The following PLA2G4E variants were observed in gnomAD, a reference collection of about 807,000 sequenced individuals.
PLA2G4E encodes the protein phospholipase A2 group IVE, also known as cytosolic phospholipase A2 epsilon.
In PLA2G4E, 84 loss-of-function variants were observed where a neutral mutation model predicts 109.1. The observed-to-expected ratio is 0.77, with a 90% CI of 0.65 to 0.92. The LOEUF is 0.92. Ranked by LOEUF, PLA2G4E falls within the 40% of genes least tolerant of loss-of-function variation. The pLI is 0.00. For synonymous variants in PLA2G4E, 469 were observed against 436.1 expected (o/e 1.08, Z -0.94); for missense variants, 1,057 against 1,076.6 (o/e 0.98, Z 0.25).
chr15:42,015,354 T>G (rs2068578862), intron 1 of PLA2G4E, among the ~76,000 whole-genome samples: 1 of 152,198 alleles, frequency 6.6e-6, no homozygotes, highest in African/African-American at 2.4e-5. Flanking sequence ...GCTCTCCCAG[T>G]GCCCCTCTGC....
intron 1 of PLA2G4E, among the ~76,000 whole-genome samples, chr15:42,031,906 A>G (rs947883313): frequency 6.6e-6 from 1 of 152,182 alleles, no homozygotes; most frequent in Non-Finnish European, 1.5e-5. Context: ...TCATGTTGAA[A>G]TGTGATCCCC....
At chr15:41,988,197 C>G in intron 15 of PLA2G4E, 41 bp from the exon 16 acceptor site, 3 of 1,442,368 alleles carry the variant, frequency 2.1e-6, no homozygotes, top group Non-Finnish European at 2.9e-6. Flanking sequence ...ACCCTGCAGC[C>G]CCAGGCCCCA....
chr15:42,044,711 C>G (rs1192741867), intron 1 of PLA2G4E, among the ~76,000 whole-genome samples: 2 of 151,240 alleles, frequency 1.3e-5, no homozygotes, highest in Non-Finnish European at 2.9e-5. Context: ...GTGCAGCACA[C>G]CAACGTGGCA....
intron 1 of PLA2G4E, among the ~76,000 whole-genome samples, chr15:42,032,293 G>C (rs1566849645): frequency 6.6e-6 from 1 of 152,210 alleles, no homozygotes; most frequent in Non-Finnish European, 1.5e-5. Flanking sequence ...TGTTTTGACT[G>C]AATTGAGTTC....
At chr15:42,045,098 G>A (rs549850119) in intron 1 of PLA2G4E, among the ~76,000 whole-genome samples, 226 of 152,320 alleles carry the variant, frequency 1.5e-3, no homozygotes, top group Middle Eastern at 6.8e-3. Flanking sequence ...CACAGGGCTG[G>A]TCTTGAAGGG....
rs1366033883 is a variant in PLA2G4E at position 42,035,303 on chromosome 15, C to T, written c.183+15218G>A. The stretch of plus-strand genomic sequence containing the variant: ...TACCCACCACTCACATACCTTACTG[C>T]CTTGGTGACATCCCCTGCATAGGGA... On this transcript the variant is annotated intron_variant, in intron 1 of 19. Coordinates refer to ENST00000399518, the Ensembl canonical transcript of PLA2G4E. Among the ~76,000 whole-genome samples the T allele has an allele frequency of 2.6e-5, 4 of 152,238 alleles. 1 individual carries two copies. Among genetic ancestry groups the T allele is most frequent in the Non-Finnish European group, 1.5e-5 (1 of 68,044 alleles).
intron 1 of PLA2G4E, among the ~76,000 whole-genome samples, chr15:42,030,468 A>G (rs1007499702): frequency 6.6e-6 from 1 of 152,196 alleles, no homozygotes; most frequent in African/African-American, 2.4e-5. Context: ...AGCAGGGCAC[A>G]CTTTGCATCA....
At chr15:42,000,224 G>C (rs1390102265) in exon 8 of PLA2G4E, 1 of 1,586,496 alleles carries the variant, frequency 6.3e-7, no homozygotes, top group East Asian at 2.3e-5. Context: ...GTTCCAAGCA[G>C]GGCCGGACAC....
In PLA2G4E at chr15:42,041,768, G is replaced by A. The variant is rs184669860; in HGVS notation, c.183+8753C>T. ...TTTGAGGGGAACTGGCTCTGTGTGT[G>A]TGTGTGGAGGGACAGAGCTGCATCA... On this transcript the variant is annotated intron_variant, in intron 1 of 19. Coordinates refer to ENST00000399518, the Ensembl canonical transcript of PLA2G4E. Among the ~76,000 whole-genome samples, 544 of 152,306 alleles carry A rather than the reference G, an allele frequency of 3.6e-3. 2 individuals carry two copies. The highest frequency in any genetic ancestry group is 0.017 in the Middle Eastern group (5 of 294).
chr15:42,020,015 C>A (rs950360277), intron 1 of PLA2G4E, among the ~76,000 whole-genome samples: 2 of 152,240 alleles, frequency 1.3e-5, no homozygotes, highest in Non-Finnish European at 2.9e-5. Flanking sequence ...GGTGGCCAGA[C>A]GCCCTTCCAG....
At chr15:42,017,583 A>G (rs920557302) in intron 1 of PLA2G4E, among the ~76,000 whole-genome samples, 3 of 152,200 alleles carry the variant, frequency 2.0e-5, no homozygotes, top group South Asian at 2.1e-4. Context: ...GAGACATCCA[A>G]TGCTACTTCC....
At chr15:41,999,827 T>C (rs753526667) in intron 9 of PLA2G4E, 90 bp downstream of exon 9, 4 of 1,384,812 alleles carry the variant, frequency 2.9e-6, no homozygotes, top group Non-Finnish European at 4.0e-6. Flanking sequence ...TCACATTCTC[T>C]CTTGTACCTC....
chr15:42,002,857 A>G (rs2068436334), intron 5 of PLA2G4E, among the ~76,000 whole-genome samples, 161 bp from the exon 6 acceptor site: 1 of 152,236 alleles, frequency 6.6e-6, no homozygotes, highest in South Asian at 2.1e-4. Context: ...ATAGGTTGTC[A>G]GGGAGGAAAC....
chr15:42,021,154 G>A, intron 1 of PLA2G4E, among the ~76,000 whole-genome samples, 112 bp from the exon 1 acceptor site: 1 of 151,920 alleles, frequency 6.6e-6, no homozygotes, highest in Non-Finnish European at 1.5e-5. Context: ...TGGGTAGACA[G>A]ATAGGGTGCA....
At chr15:41,995,300 C>A (rs2068319527) in intron 12 of PLA2G4E, 60 bp downstream of exon 12, 2 of 1,584,314 alleles carry the variant, frequency 1.3e-6, no homozygotes, top group Non-Finnish European at 1.7e-6. Context: ...CCTGAGACCC[C>A]AGGCCAGCCT....
chr15:41,994,984 T>G (rs2068314001), intron 12 of PLA2G4E, among the ~76,000 whole-genome samples: 1 of 152,240 alleles, frequency 6.6e-6, no homozygotes, highest in Non-Finnish European at 1.5e-5. Context: ...GGAGCTCAGC[T>G]GCAGGGCCCT....
rs201332148 is a variant in PLA2G4E, at chr15:42,047,840, AC to A, written c.183+2680del. ...TTGCAAAAATAAAACACCTATAAAAACTGACATTTCATCACAAAAATCCTAA... is the reference window on the plus strand; with the variant it reads ...TTGCAAAAATAAAACACCTATAAAAATGACATTTCATCACAAAAATCCTAA... On this transcript the variant is annotated intron_variant, in intron 1 of 19. Transcript: ENST00000399518. Among the ~76,000 whole-genome samples, 631 of 152,346 alleles carry A rather than the reference AC, an allele frequency of 4.1e-3. 2 individuals carry two copies. The highest frequency in any genetic ancestry group is 0.013 in the African/African-American group (557 of 41,574).
At chr15:41,993,682 C>T (rs748666654) in intron 12 of PLA2G4E, among the ~76,000 whole-genome samples, 1 of 152,124 alleles carries the variant, frequency 6.6e-6, no homozygotes, top group Non-Finnish European at 1.5e-5. Flanking sequence ...CCTTTTCATT[C>T]TGCGCCTGAG....
At chr15:42,039,737 A>G (rs1208519109) in intron 1 of PLA2G4E, among the ~76,000 whole-genome samples, 4 of 152,174 alleles carry the variant, frequency 2.6e-5, no homozygotes, top group African/African-American at 9.6e-5. Flanking sequence ...AAGGAGAAAT[A>G]AATAAGAAAT....
Sources: gnomAD v4.1 joint callset for allele counts (sites outside exome capture counted in the v4.1 genomes callset) on GRCh38, gnomAD v4.1.1 for gene constraint, MANE v1.5 for transcripts, NCBI Gene and HGNC (gene_info 2026-07-23, HGNC 2026-07-21) for gene names.